MTERF3: variants seen among roughly 807,000 people sequenced by gnomAD.
The protein encoded by MTERF3 is mitochondrial transcription termination factor 3.
In MTERF3, 40 loss-of-function variants were observed where a neutral mutation model predicts 40.5. The observed-to-expected ratio is 0.99, with a 90% CI of 0.77 to 1.29. The LOEUF (loss-of-function observed/expected upper bound fraction) is 1.29, where lower values mean the gene tolerates loss of function less well. Ranked by LOEUF, MTERF3 falls within the 50% of genes most tolerant of loss-of-function variation. The probability of loss-of-function intolerance (pLI) is 0.00; values close to 1 mark genes in which losing one functional copy is unlikely to be tolerated. For missense variants in MTERF3, 452 were observed against 478.2 expected (o/e 0.95, Z 0.51); for synonymous variants, 158 against 166.6 (o/e 0.95, Z 0.40).
chr8:96,247,493 C>G (rs909184690), intron 4 of MTERF3, among the ~76,000 whole-genome samples: 14 of 151,984 alleles, frequency 9.2e-5, no homozygotes, highest in African/African-American at 3.4e-4. Context: ...TTAATTCTAA[C>G]CAGAAAAACA....
intron 4 of MTERF3, among the ~76,000 whole-genome samples, chr8:96,247,102 A>G (rs970307276): frequency 2.6e-5 from 4 of 152,006 alleles, no homozygotes; most frequent in Non-Finnish European, 4.4e-5. Flanking sequence ...CCTCCCAAGT[A>G]GCTGGGATTA....
chr8:96,245,315 C>T (rs1810001260), intron 6 of MTERF3, among the ~76,000 whole-genome samples: 1 of 152,186 alleles, frequency 6.6e-6, no homozygotes, highest in Non-Finnish European at 1.5e-5. Flanking sequence ...CTGCTCTTGG[C>T]TTTATCTTAT....
At chr8:96,248,780 A>T (rs1213081790) in intron 4 of MTERF3, among the ~76,000 whole-genome samples, 2 of 152,198 alleles carry the variant, frequency 1.3e-5, no homozygotes, top group Admixed American at 1.3e-4. Flanking sequence ...TTCTACAAGG[A>T]TTTTTTAAAT....
At chr8:96,252,779 C>G (rs1810209497) in intron 3 of MTERF3, among the ~76,000 whole-genome samples, 1 of 152,222 alleles carries the variant, frequency 6.6e-6, no homozygotes, top group South Asian at 2.1e-4. Flanking sequence ...AATATTACAG[C>G]TGACATGAAC....
chr8:96,253,179 A>T (rs2129929940), intron 3 of MTERF3, among the ~76,000 whole-genome samples: 1 of 152,308 alleles, frequency 6.6e-6, no homozygotes, highest in Middle Eastern at 3.4e-3. Context: ...AGTACAAATG[A>T]CAAGGACTTT....
In MTERF3 at chr8:96,246,387, A is replaced by C; in HGVS notation, c.745T>G (p.Phe249Val). ...DVAQMVRKAP[F>V]LLNFSVERLD... ...CTTTCCACTGAAAAGTTCAGCAAAA[A>C]TGGTGCTTTTCTGACCATCTGTGCA... The change falls in exon 5 of 8, where the codon TTT (phenylalanine) becomes GTT (valine). Residue 249 changes from phenylalanine to valine, a missense_variant. Coordinates refer to ENST00000287025, the MANE Select transcript of MTERF3 (RefSeq NM_015942.5). 6.2e-7 allele frequency: 1 copy of C among 1,613,064 alleles called. No individual in the cohort carries two copies. The highest frequency in any genetic ancestry group is 8.5e-7 in the Non-Finnish European group (1 of 1,179,744).
At chr8:96,258,003 C>A (rs1810312210) in intron 2 of MTERF3, among the ~76,000 whole-genome samples, 1 of 152,042 alleles carries the variant, frequency 6.6e-6, no homozygotes, top group Non-Finnish European at 1.5e-5. Flanking sequence ...ATGCATATGT[C>A]AAAATTCATA....
Position 96,252,211 on chromosome 8 carries a change from G to A in MTERF3, c.488-1116C>T, listed in dbSNP as rs180973943. Among the ~76,000 whole-genome samples, 11 of 152,284 alleles carry A rather than the reference G, an allele frequency of 7.2e-5. No homozygotes were observed. In the East Asian group the frequency reaches 1.9e-3, roughly 27 times the overall value. The stretch of plus-strand genomic sequence containing the variant: ...TCTCGGGTATGTCTTTATCAGCAGT[G>A]TGAAAACAGAATAATACGCACACTC... On this transcript the variant is annotated intron_variant, in intron 3 of 7. Coordinates refer to ENST00000287025, the MANE Select transcript of MTERF3 (RefSeq NM_015942.5).
intron 3 of MTERF3, among the ~76,000 whole-genome samples, chr8:96,253,694 A>C (rs1408264512): frequency 6.6e-6 from 1 of 152,114 alleles, no homozygotes; most frequent in Non-Finnish European, 1.5e-5. Flanking sequence ...ACCTGTAAGT[A>C]TACTGTAAAT....
rs988862562 is a variant in MTERF3, at chr8:96,244,153, G to A, written c.898-73C>T. 3.0e-5 allele frequency: 40 copies of A among 1,324,596 alleles called. No individual in the cohort carries two copies. In the Middle Eastern group the frequency reaches 7.4e-4, roughly 24 times the overall value. 82.1% of individuals were successfully genotyped at this position (1,324,596 alleles called of 1,614,324 possible). ...TTTGGTACCATGGCAAGGCTGCACTGATTTTTTTTTTTTTTGAGATGGAGC... is the reference window on the plus strand; with the variant it reads ...TTTGGTACCATGGCAAGGCTGCACTAATTTTTTTTTTTTTTGAGATGGAGC... On this transcript the variant is annotated intron_variant, in intron 6 of 7. Coordinates refer to ENST00000287025, the MANE Select transcript of MTERF3 (RefSeq NM_015942.5).
Position 96,256,974 on chromosome 8 carries a change from A to G in MTERF3, c.475T>C (p.Leu159=). 2.5e-6 allele frequency: 4 copies of G among 1,603,566 alleles called. No individual in the cohort carries two copies. Among genetic ancestry groups the G allele is most frequent in the South Asian group, 1.1e-5 (1 of 88,188 alleles). Residue 159 remains leucine, a synonymous_variant, in exon 3 of 8, where the codon TTG becomes CTG. Transcript: ENST00000287025. ...TAGTCAAACTTACCTAGAAGAACCAACTTCTGCAGAGTCTCAGAATGATCC... is the reference window on the plus strand; with the variant it reads ...TAGTCAAACTTACCTAGAAGAACCAGCTTCTGCAGAGTCTCAGAATGATCC... ...YVDHSETLQK[L]VLLGVDLSKI...
chr8:96,242,789 G>A (rs1326436755), intron 7 of MTERF3, among the ~76,000 whole-genome samples: 1 of 152,066 alleles, frequency 6.6e-6, no homozygotes, highest in Non-Finnish European at 1.5e-5. Flanking sequence ...TTCCACACTC[G>A]ATTATAAGTT....
At position 96,257,076 on chromosome 8, in the gene MTERF3, T is replaced by C. The variant is rs763333673; in HGVS notation, c.373A>G (p.Ile125Val). 3.1e-6 allele frequency: 5 copies of C among 1,613,296 alleles called. No homozygotes were observed. The East Asian group carries it at 8.9e-5, about 29-fold the overall frequency. ...ATCTGAATAGCCTCTTCCTCTGAAATTGGCTGCATTGGAGACAATGGAGGC... is the reference window on the plus strand; with the variant it reads ...ATCTGAATAGCCTCTTCCTCTGAAACTGGCTGCATTGGAGACAATGGAGGC... ...ELPPLSPMQP[I>V]SEEEAIQIIA... Residue 125 changes from isoleucine (I) to valine (V), a missense_variant, in exon 3 of 8, where the codon ATT becomes GTT. Transcript: ENST00000287025.
chr8:96,239,998 C>T lies in MTERF3; in HGVS notation c.1060-313G>A, dbSNP rs1322886476. 1.1e-4 allele frequency: 65 copies of T among 581,764 alleles called. No homozygotes were observed. The South Asian group carries it at 1.3e-3, about 12-fold the overall frequency. The allele number at this position is 581,764 out of a possible 1,614,324, so 36.0% of individuals were successfully genotyped here. On this transcript the variant is annotated intron_variant, in intron 7 of 7. Transcript: ENST00000287025. ...ATCTTCGGCCGGGCGTGGTGGCTCA[C>T]GCCTTTAGTGAGGCTGAGGCAGGCG...
At chr8:96,259,293 TGATTACTTCACA>T (rs766271381) in intron 1 of MTERF3, among the ~76,000 whole-genome samples, 7 of 152,208 alleles carry the variant, frequency 4.6e-5, no homozygotes, top group Admixed American at 1.3e-4. Flanking sequence ...TGAACACTGT[TGATTACTTCACA>T]GATAAAGCTG....
At chr8:96,253,165 G>A (rs909327615) in intron 3 of MTERF3, among the ~76,000 whole-genome samples, 1 of 152,226 alleles carries the variant, frequency 6.6e-6, no homozygotes, top group Admixed American at 6.5e-5. Context: ...AACGTGCCCT[G>A]GAAAGTACAA....
intron 3 of MTERF3, among the ~76,000 whole-genome samples, chr8:96,252,563 G>GT (rs764757902): frequency 6.3e-4 from 96 of 152,306 alleles, no homozygotes; most frequent in Non-Finnish European, 2.5e-4. Context: ...CGAAGAGAGG[G>GT]TAAGAGGTCC....
Position 96,244,028 on chromosome 8 carries a change from G to A in MTERF3, c.950C>T (p.Thr317Ile). The A allele has an allele frequency of 3.7e-6, 6 of 1,613,764 alleles. No homozygotes were observed. The highest frequency in any genetic ancestry group is 5.1e-6 in the Non-Finnish European group (6 of 1,179,688). ...TGCAGTTAACATCTTTGGGATTCTG[G>A]TGATCATATGTTGAATTTCGTTATG... The part of the protein sequence containing the change: ...FKHNEIQHMI[T>I]RIPKMLTANK... The change falls in exon 7 of 8, where the codon ACC (threonine) becomes ATC (isoleucine). Residue 317 changes from threonine to isoleucine, a missense_variant. Physicochemically the swap from Thr to Ile is moderately conservative, Grantham distance 89. Coordinates refer to ENST00000287025, the MANE Select transcript of MTERF3 (RefSeq NM_015942.5).
intron 4 of MTERF3, among the ~76,000 whole-genome samples, chr8:96,249,097 G>A (rs1255489760): frequency 6.6e-6 from 1 of 152,192 alleles, no homozygotes; most frequent in Admixed American, 6.5e-5. Flanking sequence ...GCTTGAGCAA[G>A]TAACTTAAGC....
Sources: gnomAD v4.1 joint callset for allele counts (sites outside exome capture counted in the v4.1 genomes callset) on GRCh38, gnomAD v4.1.1 for gene constraint, MANE v1.5 for transcripts, NCBI Gene and HGNC (gene_info 2026-07-23, HGNC 2026-07-21) for gene names.